PACRG: variants seen among roughly 807,000 people sequenced by gnomAD.
The protein encoded by PACRG is parkin coregulated.
Under a neutral mutation model 29.7 loss-of-function variants are expected in PACRG, and 29 were observed. That is an observed-to-expected ratio of 0.98 (90% CI 0.73 to 1.33). PACRG has a LOEUF of 1.33. Ranked by LOEUF, PACRG falls within the 40% of genes most tolerant of loss-of-function variation. The pLI is 0.00. For synonymous variants in PACRG, 116 were observed against 118.7 expected (o/e 0.98, Z 0.15); for missense variants, 279 against 316.2 (o/e 0.88, Z 0.89).
intron 2 of PACRG, among the ~76,000 whole-genome samples, chr6:162,873,965 C>T (rs1383928904): frequency 6.6e-6 from 1 of 152,014 alleles, no homozygotes; most frequent in Non-Finnish European, 1.5e-5. Context: ...AAGCTACAAA[C>T]AGATTTTATT....
intron 2 of PACRG, among the ~76,000 whole-genome samples, chr6:162,919,131 A>C (rs1192078730): frequency 6.6e-6 from 1 of 152,186 alleles, no homozygotes; most frequent in Non-Finnish European, 1.5e-5. Flanking sequence ...CTAGAATATA[A>C]AGTTGTAACA....
chr6:162,973,087 G>T (rs1316157578), intron 2 of PACRG, among the ~76,000 whole-genome samples: 1 of 152,178 alleles, frequency 6.6e-6, no homozygotes, highest in Admixed American at 6.5e-5. Flanking sequence ...GTAGAACATG[G>T]ACAACTAAGC....
intron 3 of PACRG, among the ~76,000 whole-genome samples, chr6:163,073,460 A>G (rs1054206512): frequency 6.6e-6 from 1 of 152,226 alleles, no homozygotes; most frequent in Non-Finnish European, 1.5e-5. Context: ...TAAATCTAAG[A>G]CCTCAAACTA....
intron 4 of PACRG, among the ~76,000 whole-genome samples, chr6:163,097,063 C>T (rs1359681937): frequency 6.6e-6 from 1 of 152,186 alleles, no homozygotes; most frequent in East Asian, 1.9e-4. Flanking sequence ...CACATCATTG[C>T]AAAGAAGGGC....
intron 2 of PACRG, among the ~76,000 whole-genome samples, chr6:163,027,171 G>A (rs1440992290): frequency 6.6e-6 from 1 of 152,184 alleles, no homozygotes; most frequent in Non-Finnish European, 1.5e-5. Context: ...TTTTGATCTG[G>A]GCTGGAAATA....
chr6:163,061,129 C>T (rs1811065096), intron 2 of PACRG, among the ~76,000 whole-genome samples: 1 of 152,120 alleles, frequency 6.6e-6, no homozygotes, highest in Non-Finnish European at 1.5e-5. Context: ...TGGGTGCATT[C>T]ATAAGGATTT....
chr6:162,965,180 A>C (rs1160168165), intron 2 of PACRG, among the ~76,000 whole-genome samples: 1 of 152,186 alleles, frequency 6.6e-6, no homozygotes, highest in African/African-American at 2.4e-5. Context: ...CAGGAGTATA[A>C]TATGAACATA....
chr6:163,312,295 GT>G (rs770117659), intron 4 of PACRG, among the ~76,000 whole-genome samples: 1 of 152,170 alleles, frequency 6.6e-6, no homozygotes, highest in Non-Finnish European at 1.5e-5. Flanking sequence ...AGCTGAAGTT[GT>G]TTCTAAAAAG....
chr6:163,195,090 C>T (rs1780390381), intron 4 of PACRG, among the ~76,000 whole-genome samples: 1 of 152,002 alleles, frequency 6.6e-6, no homozygotes, highest in African/African-American at 2.4e-5. Flanking sequence ...TTCTCTTGAC[C>T]CCGACTCTCA....
chr6:162,967,413 A>G (rs1801132607), intron 2 of PACRG, among the ~76,000 whole-genome samples: 2 of 152,220 alleles, frequency 1.3e-5, no homozygotes, highest in Admixed American at 1.3e-4. Flanking sequence ...TGTAATAGAT[A>G]TGAAATCTAT....
intron 3 of PACRG, among the ~76,000 whole-genome samples, chr6:163,067,463 A>C (rs531190434): frequency 6.6e-6 from 1 of 152,364 alleles, no homozygotes; most frequent in Admixed American, 6.5e-5. Context: ...ACACAACTTT[A>C]AGATTTTAGG....
intron 2 of PACRG, among the ~76,000 whole-genome samples, chr6:162,890,544 G>A (rs1363049709): frequency 6.6e-6 from 1 of 152,174 alleles, no homozygotes; most frequent in Non-Finnish European, 1.5e-5. Context: ...CTGCTCTAGA[G>A]CCAGCCCCTC....
intron 2 of PACRG, among the ~76,000 whole-genome samples, chr6:163,003,249 A>G (rs949959510): frequency 2.0e-5 from 3 of 152,362 alleles, no homozygotes; most frequent in East Asian, 1.9e-4. Context: ...AAGAGAGCAA[A>G]TTTTCATTTG....
chr6:163,229,232 A>T (rs937530824), intron 4 of PACRG, among the ~76,000 whole-genome samples: 1 of 152,072 alleles, frequency 6.6e-6, no homozygotes, highest in African/African-American at 2.4e-5. Flanking sequence ...GTGCACACCT[A>T]TGGCACTCAG....
At chr6:162,776,809 C>T (rs1783677417) in intron 1 of PACRG, among the ~76,000 whole-genome samples, 1 of 152,186 alleles carries the variant, frequency 6.6e-6, no homozygotes, top group Non-Finnish European at 1.5e-5. Context: ...TTGTAACTGA[C>T]CCGCTAAGTA....
At chr6:163,314,527 C>G (rs1282168173) in intron 4 of PACRG, among the ~76,000 whole-genome samples, 1 of 152,148 alleles carries the variant, frequency 6.6e-6, no homozygotes, top group African/African-American at 2.4e-5. Context: ...CAAGAGAACA[C>G]TCTGTATATA....
In PACRG at chr6:162,763,121, A is replaced by G. The variant is rs1203995265; in HGVS notation, c.156+34730A>G. Among the ~76,000 whole-genome samples the G allele has an allele frequency of 2.0e-5, 3 of 152,236 alleles. No homozygotes were observed. The East Asian group carries it at 5.8e-4, about 29-fold the overall frequency. On this transcript the variant is annotated intron_variant, in intron 1 of 4. Transcript: ENST00000366888. ...ACTTTCAAATTTACAATATCCATTCAAACTTGAAATGCCCTTGATTAATAA... is the reference window on the plus strand; with the variant it reads ...ACTTTCAAATTTACAATATCCATTCGAACTTGAAATGCCCTTGATTAATAA...
chr6:163,224,769 T>C (rs1217370568), intron 4 of PACRG, among the ~76,000 whole-genome samples: 1 of 151,990 alleles, frequency 6.6e-6, no homozygotes, highest in East Asian at 1.9e-4. Context: ...GACATTGGCC[T>C]AGGTAGTTTT....
chr6:163,313,944 T>C (rs1298014076), intron 4 of PACRG: 4 of 152,236 alleles, frequency 2.6e-5, no homozygotes, highest in Non-Finnish European at 5.9e-5. Context: ...GGCCCCATTT[T>C]TGTCAGACTC....
Sources: gnomAD v4.1 joint callset for allele counts (sites outside exome capture counted in the v4.1 genomes callset) on GRCh38, gnomAD v4.1.1 for gene constraint, MANE v1.5 for transcripts, NCBI Gene and HGNC (gene_info 2026-07-23, HGNC 2026-07-21) for gene names.